The following RAD51B variants were observed in gnomAD, a reference collection of about 807,000 sequenced individuals.
The protein encoded by RAD51B is RAD51 paralog B, also known as DNA repair protein RAD51 homolog 2.
RAD51B carries 38 observed loss-of-function variants against 42.2 expected under a neutral mutation model. The observed-to-expected ratio is 0.90, with a 90% confidence interval of 0.70 to 1.18. The LOEUF is 1.18. Ranked by LOEUF, RAD51B falls within the 50% of genes most tolerant of loss-of-function variation. The probability of loss-of-function intolerance (pLI) is 0.00; values close to 1 mark genes in which losing one functional copy is unlikely to be tolerated. For synonymous variants in RAD51B, 154 were observed against 145.2 expected (o/e 1.06, Z -0.43); for missense variants, 373 against 400.7 (o/e 0.93, Z 0.59).
intron 10 of RAD51B, among the ~76,000 whole-genome samples, chr14:68,572,303 G>A (rs1473453406): frequency 6.6e-6 from 1 of 152,234 alleles, no homozygotes; most frequent in Non-Finnish European, 1.5e-5. Flanking sequence ...CCCTAACCCT[G>A]TGGCATGGGC....
At position 68,324,934 on chromosome 14, in the gene RAD51B, G is replaced by A. The variant is rs139354351; in HGVS notation, c.853+32954G>A. On this transcript the variant is annotated intron_variant, in intron 8 of 10. Coordinates refer to ENST00000471583, the MANE Select transcript of RAD51B (RefSeq NM_133510.4). ...CCCTAGCATTTATGCATTCTTCAGG[G>A]AAAACTCTGTTGTATATGTCTCTGA... is the stretch of plus-strand genomic sequence containing the variant. 2.7e-3 allele frequency among the ~76,000 whole-genome samples: 417 copies of A among 152,300 alleles called. 1 individual carries two copies. Among genetic ancestry groups the A allele is most frequent in the African/African-American group, 9.3e-3 (387 of 41,542 alleles).
chr14:68,601,143 C>G (rs1184143825), intron 10 of RAD51B, among the ~76,000 whole-genome samples: 1 of 152,112 alleles, frequency 6.6e-6, no homozygotes, highest in African/African-American at 2.4e-5. Context: ...CACACCTGGC[C>G]CCAAGATCCC....
chr14:68,110,770 A>T (rs1006019367), intron 7 of RAD51B, among the ~76,000 whole-genome samples: 2 of 152,054 alleles, frequency 1.3e-5, no homozygotes, highest in Non-Finnish European at 2.9e-5. Flanking sequence ...GAATTTTAAT[A>T]CATGATTGTT....
chr14:68,551,833 C>T (rs186790935), intron 10 of RAD51B, among the ~76,000 whole-genome samples: 70 of 152,340 alleles, frequency 4.6e-4, no homozygotes, highest in Admixed American at 4.2e-3. Context: ...CCATCAGTTA[C>T]ATTTTATGGA....
chr14:68,391,862 A>C (rs1460313469), intron 8 of RAD51B, among the ~76,000 whole-genome samples: 1 of 152,224 alleles, frequency 6.6e-6, no homozygotes, highest in Non-Finnish European at 1.5e-5. Context: ...CTTTATATCC[A>C]GTCACTGCAA....
chr14:68,584,646 G>A (rs375478603), intron 10 of RAD51B, among the ~76,000 whole-genome samples: 89 of 152,120 alleles, frequency 5.9e-4, no homozygotes, highest in Admixed American at 1.6e-3. Flanking sequence ...AATCGCTTTC[G>A]TCCTTCAAGG....
intron 7 of RAD51B, among the ~76,000 whole-genome samples, chr14:68,112,350 C>T (rs566673426): frequency 4.9e-4 from 74 of 152,088 alleles, no homozygotes; most frequent in African/African-American, 1.7e-3. Context: ...CCCTCCACAC[C>T]TTCTTTATTT....
intron 8 of RAD51B, among the ~76,000 whole-genome samples, chr14:68,408,656 A>G (rs1351106065): frequency 6.6e-6 from 1 of 152,236 alleles, no homozygotes; most frequent in East Asian, 1.9e-4. Context: ...AGGAAATTAT[A>G]CTTAAAAAGC....
chr14:68,609,546 A>T (rs1366851792), intron 10 of RAD51B, among the ~76,000 whole-genome samples: 2 of 152,150 alleles, frequency 1.3e-5, no homozygotes, highest in African/African-American at 4.8e-5. Context: ...GTGCAAATGC[A>T]ACAGCTCCTG....
At chr14:68,618,737 C>T (rs1413964126) in intron 10 of RAD51B, among the ~76,000 whole-genome samples, 1 of 152,180 alleles carries the variant, frequency 6.6e-6, no homozygotes, top group Non-Finnish European at 1.5e-5. Flanking sequence ...TGCCCTTAGC[C>T]TAGCCCTGAC....
downstream of RAD51B, among the ~76,000 whole-genome samples, chr14:68,597,929 T>G (rs1224053138): frequency 6.6e-6 from 1 of 151,976 alleles, no homozygotes; most frequent in Non-Finnish European, 1.5e-5. Flanking sequence ...TGGAAAGGAC[T>G]GTATCTCGGG....
chr14:68,377,119 A>G (rs1193281306), intron 8 of RAD51B, among the ~76,000 whole-genome samples: 1 of 152,226 alleles, frequency 6.6e-6, no homozygotes, highest in Non-Finnish European at 1.5e-5. Context: ...CAGATGGGAT[A>G]TGAAACTAGA....
chr14:68,089,099 C>G (rs982804153), intron 7 of RAD51B, among the ~76,000 whole-genome samples: 1 of 152,028 alleles, frequency 6.6e-6, no homozygotes, highest in Non-Finnish European at 1.5e-5. Context: ...GGCCCCCTTA[C>G]CTATATCCTC....
chr14:67,992,205 A>G (rs949900634), intron 7 of RAD51B, among the ~76,000 whole-genome samples: 4 of 152,186 alleles, frequency 2.6e-5, no homozygotes, highest in African/African-American at 9.6e-5. Flanking sequence ...TCACATAACA[A>G]AGCTACAAAA....
At chr14:67,926,746 T>C (rs1163337431) in intron 7 of RAD51B, among the ~76,000 whole-genome samples, 1 of 151,884 alleles carries the variant, frequency 6.6e-6, no homozygotes, top group Admixed American at 6.6e-5. Context: ...GTGTTTTTAG[T>C]AGGGGTGGGG....
At chr14:68,407,466 A>G (rs1438838590) in intron 8 of RAD51B, among the ~76,000 whole-genome samples, 2 of 152,218 alleles carry the variant, frequency 1.3e-5, no homozygotes, top group East Asian at 3.9e-4. Flanking sequence ...GCATTGTGCT[A>G]TGATGTTACC....
At position 68,477,975 on chromosome 14, in the gene RAD51B, G is replaced by C; in HGVS notation, c.*311G>C. On this transcript the variant is annotated 3_prime_UTR_variant, in exon 11 of 11. Coordinates refer to ENST00000471583, the MANE Select transcript of RAD51B (RefSeq NM_133510.4). ...GCACCTTTCAACCAGGCACCTCAAA[G>C]CGGTTTAACCACATTAATTAATTAA... 1 of 1,156,506 alleles carries C rather than the reference G, an allele frequency of 8.6e-7. No homozygotes were observed. The highest frequency in any genetic ancestry group is 1.1e-6 in the Non-Finnish European group (1 of 938,972). 71.6% of individuals were successfully genotyped at this position (1,156,506 alleles called of 1,614,324 possible).
At chr14:68,429,253 C>A (rs888451206) in intron 9 of RAD51B, among the ~76,000 whole-genome samples, 9 of 152,112 alleles carry the variant, frequency 5.9e-5, no homozygotes, top group African/African-American at 1.7e-4. Flanking sequence ...GATTTATAAT[C>A]CTTTGGGTAT....
intron 7 of RAD51B, among the ~76,000 whole-genome samples, chr14:68,185,713 A>G (rs1341045171): frequency 6.6e-6 from 1 of 152,114 alleles, no homozygotes; most frequent in African/African-American, 2.4e-5. Flanking sequence ...TCCACTTCAG[A>G]TCATCAGGCA....
Sources: allele counts gnomAD v4.1 joint callset (sites outside exome capture counted in the v4.1 genomes callset), GRCh38; gene constraint gnomAD v4.1.1; transcripts MANE v1.5; gene names NCBI Gene and HGNC (gene_info 2026-07-23, HGNC 2026-07-21).